Variants in LRMDA observed in about 807,000 individuals in gnomAD.
The protein encoded by LRMDA is leucine-rich melanocyte differentiation-associated protein.
LRMDA carries 18 observed loss-of-function variants against 29.8 expected under a neutral mutation model. The observed-to-expected ratio is 0.60, with a 90% CI of 0.42 to 0.90. LRMDA has a LOEUF of 0.90. LRMDA is among the 40% of genes least tolerant of loss of function. LRMDA has a pLI of 0.00. For missense variants in LRMDA, 273 were observed against 273.9 expected, an observed-to-expected ratio of 1.00 and a Z score of 0.02; for synonymous variants, 125 against 109.4, an observed-to-expected ratio of 1.14 and a Z score of -0.89.
chr10:76,476,516 T>C (rs905814833), intron 6 of LRMDA, among the ~76,000 whole-genome samples: 6 of 151,948 alleles, frequency 3.9e-5, no homozygotes, highest in African/African-American at 1.5e-4. Flanking sequence ...TTCCAATCAA[T>C]AGAAAAAGAG....
chr10:75,577,419 A>G (rs988396507), intron 2 of LRMDA, among the ~76,000 whole-genome samples: 3 of 152,190 alleles, frequency 2.0e-5, no homozygotes, highest in Admixed American at 6.5e-5. Context: ...ATTGATTGGT[A>G]TACCTGAAAG....
rs555558697 is a variant in LRMDA at position 76,077,864 on chromosome 10, C to T, written c.516+19081C>T. On this transcript the variant is annotated intron_variant, in intron 5 of 6. Transcript: ENST00000611255. ...CTATGAAAATGAAATATCCCAAGCC[C>T]ACCATTAGTATTCTCAAGCTATGAA... 4.6e-5 allele frequency among the ~76,000 whole-genome samples: 7 copies of T among 152,004 alleles called. 1 individual carries two copies. Among genetic ancestry groups the T allele is most frequent in the Admixed American group, 2.0e-4 (3 of 15,268 alleles).
intron 2 of LRMDA, among the ~76,000 whole-genome samples, chr10:75,740,227 G>A (rs1274691499): frequency 6.6e-6 from 1 of 152,204 alleles, no homozygotes; most frequent in African/African-American, 2.4e-5. Context: ...TGTAGATGAT[G>A]GAGGTGCGAT....
At chr10:76,076,709 G>A (rs149021496) in intron 5 of LRMDA, among the ~76,000 whole-genome samples, 3 of 152,220 alleles carry the variant, frequency 2.0e-5, no homozygotes, top group Admixed American at 1.3e-4. Flanking sequence ...GGTATTTCAG[G>A]GCTCAGGAGA....
rs750686843 is a variant in LRMDA, at chr10:75,893,421, C to T, written c.132-142587C>T. Among the ~76,000 whole-genome samples, 3 of 152,160 alleles carry T rather than the reference C, an allele frequency of 2.0e-5. No homozygotes were observed. The East Asian group carries it at 5.8e-4, about 29-fold the overall frequency. On this transcript the variant is annotated intron_variant, in intron 2 of 6. Transcript: ENST00000611255. Reference sequence around the variant, plus strand: ...TAAACAGGTTAGACGTATTTCCTGCCCTCAGAGACTTTCCAGTCTAGAAGG... The same window carrying T: ...TAAACAGGTTAGACGTATTTCCTGCTCTCAGAGACTTTCCAGTCTAGAAGG...
intron 2 of LRMDA, among the ~76,000 whole-genome samples, chr10:75,891,082 G>A (rs1845480201): frequency 6.6e-6 from 1 of 150,858 alleles, no homozygotes; most frequent in Admixed American, 6.6e-5. Context: ...TCCAGCCTGG[G>A]CGACAGAGCT....
At chr10:76,153,891 A>G (rs1336618263) in intron 5 of LRMDA, among the ~76,000 whole-genome samples, 3 of 152,218 alleles carry the variant, frequency 2.0e-5, no homozygotes, top group Non-Finnish European at 4.4e-5. Context: ...TGGCTAGCTC[A>G]TAGATCTTAA....
rs552693020 is a variant in LRMDA at position 75,767,405 on chromosome 10, C to A, written c.132-268603C>A. Among the ~76,000 whole-genome samples, 114 of 152,280 alleles carry A rather than the reference C, an allele frequency of 7.5e-4. 1 individual carries two copies. The highest frequency in any genetic ancestry group is 7.5e-3 in the Admixed American group (114 of 15,294). ...TTCTCTAATGACCAGTGATGATGAG[C>A]TTTTTTTCATATGTTTGTTGGCTGC... On this transcript the variant is annotated intron_variant, in intron 2 of 6. Coordinates refer to ENST00000611255, the MANE Select transcript of LRMDA (RefSeq NM_001305581.2).
At chr10:75,546,736 C>T (rs1840085885) in intron 2 of LRMDA, among the ~76,000 whole-genome samples, 1 of 152,122 alleles carries the variant, frequency 6.6e-6, no homozygotes, top group African/African-American at 2.4e-5. Flanking sequence ...AGAAGACCTA[C>T]ACATATGGAA....
intron 2 of LRMDA, among the ~76,000 whole-genome samples, chr10:75,671,094 C>G (rs891084635): frequency 1.3e-5 from 2 of 152,098 alleles, no homozygotes; most frequent in African/African-American, 2.4e-5. Context: ...TATAGAGTTT[C>G]TAGATCAGAG....
chr10:76,016,964 T>C lies in LRMDA; in HGVS notation c.132-19044T>C, dbSNP rs530520173. Among the ~76,000 whole-genome samples the C allele has an allele frequency of 3.9e-5, 6 of 152,298 alleles. No individual in the cohort carries two copies. The East Asian group carries it at 7.7e-4, about 20-fold the overall frequency. On this transcript the variant is annotated intron_variant, in intron 2 of 6. Transcript: ENST00000611255. Reference sequence around the variant, plus strand: ...GAATAGTAGTAACTTAGAAGTTGTATATGGGCTGAATTGTGATCTTCTTCC... The same window carrying C: ...GAATAGTAGTAACTTAGAAGTTGTACATGGGCTGAATTGTGATCTTCTTCC...
At chr10:75,697,665 T>G (rs181863129) in intron 2 of LRMDA, among the ~76,000 whole-genome samples, 58 of 152,310 alleles carry the variant, frequency 3.8e-4, no homozygotes, top group African/African-American at 1.3e-3. Flanking sequence ...AGAGATTTTA[T>G]TACCCATTTT....
intron 6 of LRMDA, among the ~76,000 whole-genome samples, chr10:76,434,591 A>G (rs936303901): frequency 7.2e-5 from 11 of 152,196 alleles, no homozygotes; most frequent in Admixed American, 5.9e-4. Flanking sequence ...ACCTTAGGCC[A>G]TCCACTCATC....
chr10:75,696,129 A>C (rs1842231177), intron 2 of LRMDA, among the ~76,000 whole-genome samples: 1 of 152,264 alleles, frequency 6.6e-6, no homozygotes, highest in Admixed American at 6.5e-5. Context: ...TGATAATTTT[A>C]ATTTCAGACT....
chr10:76,274,894 T>C (rs1326679831), intron 5 of LRMDA, among the ~76,000 whole-genome samples: 1 of 152,184 alleles, frequency 6.6e-6, no homozygotes, highest in Non-Finnish European at 1.5e-5. Flanking sequence ...TTGTTATCAT[T>C]ATATTGTTAA....
At position 76,071,332 on chromosome 10, in the gene LRMDA, G is replaced by A. The variant is rs145845449; in HGVS notation, c.516+12549G>A. 3.9e-5 allele frequency among the ~76,000 whole-genome samples: 6 copies of A among 152,282 alleles called. No homozygotes were observed. The East Asian group carries it at 7.7e-4, about 20-fold the overall frequency. On this transcript the variant is annotated intron_variant, in intron 5 of 6. Coordinates refer to ENST00000611255, the MANE Select transcript of LRMDA (RefSeq NM_001305581.2). Reference sequence around the variant, plus strand: ...GACAATTAGAAAACAGCCAAGTACTGTATTATGAAACAAACAAACAAAAAA... The same window carrying A: ...GACAATTAGAAAACAGCCAAGTACTATATTATGAAACAAACAAACAAAAAA...
intron 2 of LRMDA, among the ~76,000 whole-genome samples, chr10:75,897,487 G>T (rs2132360320): frequency 6.6e-6 from 1 of 152,312 alleles, no homozygotes; most frequent in African/African-American, 2.4e-5. Flanking sequence ...AGGGCCTGGA[G>T]AATGCCTGCT....
chr10:75,821,714 A>G (rs1844162229), intron 2 of LRMDA, among the ~76,000 whole-genome samples: 1 of 152,126 alleles, frequency 6.6e-6, no homozygotes, highest in African/African-American at 2.4e-5. Context: ...GCTTGCAGTG[A>G]GCCGAGATCA....
chr10:75,591,447 T>G (rs1188935275), intron 2 of LRMDA, among the ~76,000 whole-genome samples: 1 of 152,176 alleles, frequency 6.6e-6, no homozygotes, highest in Non-Finnish European at 1.5e-5. Flanking sequence ...GTGGCAGAGG[T>G]GGGTCTTAAG....
Sources: gnomAD v4.1 joint callset for allele counts (sites outside exome capture counted in the v4.1 genomes callset) on GRCh38, gnomAD v4.1.1 for gene constraint, MANE v1.5 for transcripts, NCBI Gene and HGNC (gene_info 2026-07-23, HGNC 2026-07-21) for gene names.